Variants in SPATA22 observed in about 807,000 individuals in gnomAD.
SPATA22 encodes the protein spermatogenesis-associated protein 22.
Under a neutral mutation model 47.8 loss-of-function variants are expected in SPATA22, and 29 were observed. The ratio of observed to expected loss-of-function variants is 0.61; its 90% confidence interval spans 0.45 to 0.83. SPATA22 has a LOEUF of 0.83. Ranked by LOEUF, SPATA22 falls within the 40% of genes least tolerant of loss-of-function variation. SPATA22 has a pLI of 0.00. For missense variants in SPATA22, 410 were observed against 421.7 expected (o/e 0.97, Z 0.24); for synonymous variants, 133 against 140.9 (o/e 0.94, Z 0.40).
chr17:3,512,243 A>T (rs2074122422), intron 1 of SPATA22: 1 of 152,282 alleles, frequency 6.6e-6, no homozygotes, highest in African/African-American at 2.4e-5. Context: ...GCCCATGCCC[A>T]GCCCCGACCA....
intron 1 of SPATA22, among the ~76,000 whole-genome samples, chr17:3,469,639 G>A (rs757627705): frequency 6.6e-6 from 1 of 152,156 alleles, no homozygotes; most frequent in Non-Finnish European, 1.5e-5. Flanking sequence ...TTTTCACACA[G>A]TATATGTAAT....
chr17:3,473,584 C>T (rs1327276304), upstream of SPATA22, among the ~76,000 whole-genome samples: 3 of 152,144 alleles, frequency 2.0e-5, no homozygotes, highest in Non-Finnish European at 2.9e-5. Flanking sequence ...CTGCAACCTC[C>T]GCCTTCTAGG....
intron 5 of SPATA22, among the ~76,000 whole-genome samples, chr17:3,461,159 A>G (rs528280205): frequency 1.3e-5 from 2 of 152,206 alleles, no homozygotes; most frequent in Admixed American, 6.5e-5. Flanking sequence ...TGGTATAAGT[A>G]TGTCCCAAAT....
At position 3,494,374 on chromosome 17, in the gene SPATA22, T is replaced by C. The variant is rs139053885; in HGVS notation, c.-74+19038A>G. On this transcript the variant is annotated intron_variant, in intron 1 of 8. Coordinates refer to the SPATA22 transcript ENST00000541913. The stretch of plus-strand genomic sequence containing the variant: ...GGAAAAGAATTTCCTCCCTGCGCCA[T>C]TGAGGTCTATAAAATTATAGAGAAA... 61 of 1,611,812 alleles carry C rather than the reference T, an allele frequency of 3.8e-5. No individual in the cohort carries two copies. The highest frequency in any genetic ancestry group is 1.7e-4 in the African/African-American group (13 of 74,876).
chr17:3,478,587 G>A (rs2073572518), intron 1 of SPATA22, among the ~76,000 whole-genome samples: 1 of 152,204 alleles, frequency 6.6e-6, no homozygotes, highest in Admixed American at 6.5e-5. Flanking sequence ...CCAAATAGGT[G>A]TGAAATGGAC....
intron 1 of SPATA22, chr17:3,481,786 T>C: frequency 6.2e-7 from 1 of 1,606,098 alleles, no homozygotes; most frequent in Non-Finnish European, 8.5e-7. Context: ...TTCAGATGTT[T>C]CATTACATTA....
At chr17:3,444,826 T>G (rs569753509) in intron 7 of SPATA22, among the ~76,000 whole-genome samples, 12 of 152,218 alleles carry the variant, frequency 7.9e-5, no homozygotes, top group Admixed American at 7.9e-4. Context: ...GACACTAAAG[T>G]GTAGTAAAAT....
intron 1 of SPATA22, among the ~76,000 whole-genome samples, chr17:3,492,510 CCTT>C (rs543934891): frequency 1.0e-3 from 153 of 152,290 alleles, no homozygotes; most frequent in Non-Finnish European, 1.7e-3. Flanking sequence ...TGTTTCATAT[CCTT>C]CTGTTCAGAG....
chr17:3,459,948 A>G (rs551613387), intron 5 of SPATA22, among the ~76,000 whole-genome samples: 1 of 152,326 alleles, frequency 6.6e-6, no homozygotes, highest in East Asian at 1.9e-4. Flanking sequence ...TAAGTTATAT[A>G]CTATTTTATA....
intron 1 of SPATA22, among the ~76,000 whole-genome samples, chr17:3,493,889 A>G (rs943177844): frequency 1.3e-5 from 2 of 152,168 alleles, no homozygotes; most frequent in African/African-American, 4.8e-5. Flanking sequence ...GCTGATAGGA[A>G]TCATTCAAGG....
chr17:3,479,156 G>A (rs2073584011), intron 1 of SPATA22, among the ~76,000 whole-genome samples: 1 of 152,122 alleles, frequency 6.6e-6, no homozygotes, highest in Admixed American at 6.5e-5. Context: ...AACTTAGTAT[G>A]GCTAATGCCC....
chr17:3,441,385 A>G (rs574940533), intron 8 of SPATA22: 1 of 152,176 alleles, frequency 6.6e-6, no homozygotes, highest in East Asian at 1.9e-4. Context: ...TTTACAAAAA[A>G]GATATCTAAA....
chr17:3,442,554 T>C (rs1382999295), intron 8 of SPATA22, among the ~76,000 whole-genome samples: 1 of 151,850 alleles, frequency 6.6e-6, no homozygotes. Flanking sequence ...AGCCTCCTTA[T>C]ATCCCAGCCC....
At chr17:3,441,423 T>C (rs1172762357) in intron 8 of SPATA22, 1 of 152,034 alleles carries the variant, frequency 6.6e-6, no homozygotes, top group East Asian at 1.9e-4. Context: ...CTCAACCTCA[T>C]TACTCACTAG....
chr17:3,458,855 C>CAAAAA (rs545223532), intron 5 of SPATA22, among the ~76,000 whole-genome samples: 873 of 38,288 alleles, frequency 0.023, 49 homozygotes, highest in Middle Eastern at 0.12. Context: ...CGAAACTTCA[C>CAAAAA]AAAAAAAAAA....
In SPATA22 at chr17:3,509,873, T is replaced by C. The variant is rs549688153; in HGVS notation, c.-74+3539A>G. Among the ~76,000 whole-genome samples, 7 of 152,292 alleles carry C rather than the reference T, an allele frequency of 4.6e-5. No individual in the cohort carries two copies. In the South Asian group the frequency reaches 1.5e-3, roughly 32 times the overall value. On this transcript the variant is annotated intron_variant, in intron 1 of 8. Transcript: ENST00000541913. Reference sequence around the variant, plus strand: ...AATCGCCATTCTGACTGGCGTGAGATGGTATCTCACTGTGGTTTTGATTTG... The same window carrying C: ...AATCGCCATTCTGACTGGCGTGAGACGGTATCTCACTGTGGTTTTGATTTG...
chr17:3,465,551 T>A (rs890115864), intron 3 of SPATA22, among the ~76,000 whole-genome samples: 21 of 151,772 alleles, frequency 1.4e-4, no homozygotes, highest in Admixed American at 5.9e-4. Context: ...CAGTGCAAGA[T>A]GTGCTTTGTT....
intron 5 of SPATA22, among the ~76,000 whole-genome samples, chr17:3,457,424 T>G (rs2073022340): frequency 6.6e-6 from 1 of 152,138 alleles, no homozygotes. Flanking sequence ...ATCTACAGAC[T>G]CAATGCAATC....
chr17:3,475,519 A>C (rs1176895228), upstream of SPATA22: 2 of 152,718 alleles, frequency 1.3e-5, no homozygotes, highest in Non-Finnish European at 2.9e-5. Context: ...TCGAGTCCCA[A>C]GTGATCATTG....
Sources: allele counts gnomAD v4.1 joint callset (sites outside exome capture counted in the v4.1 genomes callset), GRCh38; gene constraint gnomAD v4.1.1; transcripts MANE v1.5; gene names NCBI Gene and HGNC (gene_info 2026-07-23, HGNC 2026-07-21).